TMCO4: variants seen among roughly 807,000 people sequenced by gnomAD.
TMCO4 encodes the protein transmembrane and coiled-coil domain-containing protein 4.
In TMCO4, 58 loss-of-function variants were observed where a neutral mutation model predicts 64.7. The ratio of observed to expected loss-of-function variants is 0.90; its 90% CI spans 0.73 to 1.12. TMCO4 has a LOEUF of 1.12. Ranked by LOEUF, TMCO4 falls within the 50% of genes most tolerant of loss-of-function variation. The pLI is 0.00. For synonymous variants in TMCO4, 325 were observed against 346.1 expected (o/e 0.94, Z 0.68); for missense variants, 780 against 825.9 (o/e 0.94, Z 0.68).
At chr1:19,786,706 A>T in intron 3 of TMCO4, among the ~76,000 whole-genome samples, 1 of 152,182 alleles carries the variant, frequency 6.6e-6, no homozygotes, top group East Asian at 1.9e-4. Context: ...TTGGTACTAT[A>T]TTTGCAACTT....
In TMCO4 at chr1:19,746,501, C is replaced by G; in HGVS notation, c.712G>C (p.Ala238Pro). The G allele has an allele frequency of 6.2e-7, 1 of 1,612,726 alleles. No individual in the cohort carries two copies. Among genetic ancestry groups the G allele is most frequent in the Non-Finnish European group, 8.5e-7 (1 of 1,179,478 alleles). The change falls in exon 9 of 16, where the codon GCC becomes CCC. Residue 238 changes from alanine (A) to proline (P), a missense_variant. Coordinates refer to ENST00000294543, the MANE Select transcript of TMCO4 (RefSeq NM_181719.7). ...AAALGSAAGI[A>P]IMTSLFGAAG... is the part of the protein sequence containing the mutation. ...GCACCAAACAGCGAGGTCATGATGGCTATGCCGGCTGCTGAGCCCAGAGCC... is the reference window on the plus strand; with the variant it reads ...GCACCAAACAGCGAGGTCATGATGGGTATGCCGGCTGCTGAGCCCAGAGCC...
chr1:19,794,655 G>A (rs1006036023), intron 2 of TMCO4, among the ~76,000 whole-genome samples: 14 of 152,248 alleles, frequency 9.2e-5, no homozygotes, highest in African/African-American at 3.4e-4. Flanking sequence ...GGGTATATAT[G>A]CAAAATAATT....
At chr1:19,740,005 G>T (rs1312740853) in intron 11 of TMCO4, 45 bp from the exon 12 acceptor site, 1 of 1,568,656 alleles carries the variant, frequency 6.4e-7, no homozygotes, top group East Asian at 2.3e-5. Context: ...CCTGTCCTAG[G>T]GTCCTACTAG....
chr1:19,710,037 T>A (rs1242092051), intron 13 of TMCO4, among the ~76,000 whole-genome samples: 2 of 152,084 alleles, frequency 1.3e-5, no homozygotes, highest in Non-Finnish European at 1.5e-5. Flanking sequence ...CGCTTCAGCC[T>A]CCCAAAGTGC....
chr1:19,693,954 A>C (rs892648552), intron 15 of TMCO4, among the ~76,000 whole-genome samples: 1 of 152,148 alleles, frequency 6.6e-6, no homozygotes, highest in Admixed American at 6.6e-5. Context: ...AGGGCTCTGG[A>C]GGTTCAAATC....
chr1:19,689,116 T>C (rs572919595), intron 15 of TMCO4, among the ~76,000 whole-genome samples: 2 of 152,126 alleles, frequency 1.3e-5, no homozygotes, highest in African/African-American at 4.8e-5. Flanking sequence ...ACAGGTCCTG[T>C]GGGTCTCTGT....
At chr1:19,784,900 A>G (rs1456598546) in intron 3 of TMCO4, among the ~76,000 whole-genome samples, 1 of 152,148 alleles carries the variant, frequency 6.6e-6, no homozygotes, top group African/African-American at 2.4e-5. Flanking sequence ...ATGTTTTAAG[A>G]AAGTCTATGA....
chr1:19,758,884 T>G (rs765965710), intron 6 of TMCO4, among the ~76,000 whole-genome samples: 1 of 152,070 alleles, frequency 6.6e-6, no homozygotes, highest in Admixed American at 6.6e-5. Context: ...GCCAATCACT[T>G]GAGGTCAGGA....
intron 12 of TMCO4, among the ~76,000 whole-genome samples, chr1:19,738,587 A>G (rs114473964): frequency 0.012 from 1,853 of 152,338 alleles, 18 homozygotes; most frequent in Non-Finnish European, 0.018. Flanking sequence ...CCAGACTCTT[A>G]CTTGGGAGAG....
intron 15 of TMCO4, among the ~76,000 whole-genome samples, chr1:19,684,346 G>C (rs1352806475): frequency 6.6e-6 from 1 of 151,754 alleles, no homozygotes; most frequent in African/African-American, 2.4e-5. Flanking sequence ...CCCAGGTCTT[G>C]AACTCTTGGC....
chr1:19,701,403 C>T lies in TMCO4; in HGVS notation c.1265-518G>A, dbSNP rs1241246546. Among the ~76,000 whole-genome samples the T allele has an allele frequency of 2.6e-5, 4 of 152,190 alleles. No homozygotes were observed. In the East Asian group the frequency reaches 7.7e-4, roughly 29 times the overall value. On this transcript the variant is annotated intron_variant, in intron 13 of 15. Coordinates refer to ENST00000294543, the MANE Select transcript of TMCO4 (RefSeq NM_181719.7). ...GCCAGTCTGGTCTCCAACTCCTGACCTCAGGTGATCCACCCGCCTTGGCCT... is the reference window on the plus strand; with the variant it reads ...GCCAGTCTGGTCTCCAACTCCTGACTTCAGGTGATCCACCCGCCTTGGCCT...
rs900212764 is a variant in TMCO4 at position 19,796,503 on chromosome 1, G to A, written c.-101+1634C>T. Among the ~76,000 whole-genome samples, 5 of 152,098 alleles carry A rather than the reference G, an allele frequency of 3.3e-5. No individual in the cohort carries two copies. The East Asian group carries it at 5.8e-4, about 18-fold the overall frequency. ...CCAGGGATTCGCAATTAATATTTTCGTTATTCATACCAGTGTAAGACAGCT... is the reference window on the plus strand; with the variant it reads ...CCAGGGATTCGCAATTAATATTTTCATTATTCATACCAGTGTAAGACAGCT... On this transcript the variant is annotated intron_variant, in intron 2 of 15. Transcript: ENST00000294543.
At chr1:19,776,203 C>G (rs1041486302) in intron 4 of TMCO4, among the ~76,000 whole-genome samples, 2 of 152,188 alleles carry the variant, frequency 1.3e-5, no homozygotes, top group African/African-American at 4.8e-5. Flanking sequence ...CCACCACACT[C>G]GGCCAATATT....
intron 7 of TMCO4, among the ~76,000 whole-genome samples, chr1:19,753,914 T>C (rs1352451250): frequency 6.6e-6 from 1 of 152,206 alleles, no homozygotes; most frequent in Non-Finnish European, 1.5e-5. Flanking sequence ...GGGTCTATAA[T>C]AACACAATTA....
At chr1:19,703,434 TTTCCCTTCCC>T (rs899132114) in intron 13 of TMCO4, among the ~76,000 whole-genome samples, 1 of 151,668 alleles carries the variant, frequency 6.6e-6, no homozygotes, top group African/African-American at 2.4e-5. Context: ...TCCCTTTTTC[TTTCCCTTCCC>T]TTCCCTTCCC....
At chr1:19,766,960 TG>T (rs1220494673) in intron 6 of TMCO4, among the ~76,000 whole-genome samples, 7 of 152,146 alleles carry the variant, frequency 4.6e-5, no homozygotes, top group African/African-American at 1.7e-4. Flanking sequence ...CTGCTCCCAT[TG>T]GGTCCCAGTG....
chr1:19,685,887 G>A (rs1421685477), intron 15 of TMCO4, among the ~76,000 whole-genome samples: 2 of 151,944 alleles, frequency 1.3e-5, no homozygotes, highest in South Asian at 2.1e-4. Flanking sequence ...TACCATGCCC[G>A]GCTAATTTTT....
chr1:19,771,395 G>A lies in TMCO4; in HGVS notation c.267C>T (p.Ser89=), dbSNP rs138040605. The change falls in exon 5 of 16, where the codon AGC becomes AGT. Residue 89 remains serine (S), a synonymous_variant. Transcript: ENST00000294543. ...AVLPTMTAFA[S]GLGGEGADVF... Reference sequence around the variant, plus strand: ...CATCTGCTCCTTCACCTCCCAGGCCGCTCGCAAAAGCAGTCATGGTTGGCA... The same window carrying A: ...CATCTGCTCCTTCACCTCCCAGGCCACTCGCAAAAGCAGTCATGGTTGGCA... 3.5e-5 allele frequency: 57 copies of A among 1,613,978 alleles called. No homozygotes were observed. Among genetic ancestry groups the A allele is most frequent in the African/African-American group, 5.3e-5 (4 of 74,900 alleles).
At position 19,757,168 on chromosome 1, in the gene TMCO4, G is replaced by GC. The variant is rs58018940; in HGVS notation, c.383-1403dup. On this transcript the variant is annotated intron_variant, in intron 6 of 15. Transcript: ENST00000294543. Reference sequence around the variant, plus strand: ...TAGCCAGGCGTGGTGGCGGGGGGGGGCGCCTGTAATTTCCAGCAACTTGGG... The same window carrying GC: ...TAGCCAGGCGTGGTGGCGGGGGGGGGCCGCCTGTAATTTCCAGCAACTTGGG... 5.3e-5 allele frequency among the ~76,000 whole-genome samples: 8 copies of GC among 150,358 alleles called. 1 individual carries two copies. Among genetic ancestry groups the GC allele is most frequent in the Admixed American group, 5.3e-4 (8 of 15,058 alleles).
Sources: allele counts gnomAD v4.1 joint callset (sites outside exome capture counted in the v4.1 genomes callset), GRCh38; gene constraint gnomAD v4.1.1; transcripts MANE v1.5; gene names NCBI Gene and HGNC (gene_info 2026-07-23, HGNC 2026-07-21).